SETD5: variants seen among roughly 807,000 people sequenced by gnomAD.
SETD5 encodes SET domain containing 5.
Under a neutral mutation model 153.3 loss-of-function variants are expected in SETD5, and 44 were observed. The observed-to-expected ratio is 0.29, with a 90% CI of 0.23 to 0.37. SETD5 has a LOEUF of 0.37. Among genes scored for constraint, SETD5 ranks in the 10% least tolerant of loss-of-function variants. SETD5 has a pLI of 1.00. For synonymous variants in SETD5, 716 were observed against 645.2 expected, an observed-to-expected ratio of 1.11 and a Z score of -1.66; for missense variants, 1,544 against 1,768.0, an observed-to-expected ratio of 0.87 and a Z score of 2.27.
chr3:9,410,520 A>G (rs2036400516), intron 1 of SETD5, among the ~76,000 whole-genome samples: 1 of 152,100 alleles, frequency 6.6e-6, no homozygotes, highest in South Asian at 2.1e-4. Context: ...TTTTATGATT[A>G]TGTAAAATAC....
chr3:9,474,723 A>G (rs1251606113), intron 21 of SETD5, 141 bp downstream of exon 21: 1 of 1,179,838 alleles, frequency 8.5e-7, no homozygotes, highest in South Asian at 1.5e-5. Flanking sequence ...CAGCCCACTT[A>G]TGCTCATTTG....
chr3:9,457,720 G>T (rs2043428878), intron 17 of SETD5, among the ~76,000 whole-genome samples: 1 of 148,998 alleles, frequency 6.7e-6, no homozygotes, highest in African/African-American at 2.4e-5. Context: ...TTTAAAGTCT[G>T]AGGAAATGGA....
chr3:9,434,552 A>G lies in SETD5; in HGVS notation c.329+67A>G. 1 of 1,601,578 alleles carries G rather than the reference A, an allele frequency of 6.2e-7. No individual in the cohort carries two copies. Among genetic ancestry groups the G allele is most frequent in the East Asian group, 2.2e-5 (1 of 44,670 alleles). ...GATTAGGGTTTCTTACAAGTAGGGA[A>G]AAGCTCAAAGTATTCTTTCTTGTGT... On this transcript the variant is annotated intron_variant, in intron 5 of 22. Coordinates refer to ENST00000402198, the MANE Select transcript of SETD5 (RefSeq NM_001080517.3). The surrounding 1 kb of genome is among the most constrained non-coding windows in gnomAD (Gnocchi z 5.6).
At chr3:9,428,175 C>A (rs2039542902) in intron 2 of SETD5, among the ~76,000 whole-genome samples, 1 of 152,114 alleles carries the variant, frequency 6.6e-6, no homozygotes. Context: ...TATTTTTGTT[C>A]ATATCTAGCA....
chr3:9,453,100 T>G (rs2042818551), intron 16 of SETD5, among the ~76,000 whole-genome samples: 1 of 152,296 alleles, frequency 6.6e-6, no homozygotes, highest in African/African-American at 2.4e-5. Flanking sequence ...TCTTTTTGAC[T>G]TTTTCCCTTT....
At chr3:9,457,566 G>A (rs1044789179) in intron 17 of SETD5, among the ~76,000 whole-genome samples, 2 of 150,660 alleles carry the variant, frequency 1.3e-5, no homozygotes, top group African/African-American at 4.8e-5. Context: ...TATAAAAAGT[G>A]TAAATATATT....
At chr3:9,443,524 T>C (rs1575439556) in intron 11 of SETD5, 107 bp downstream of exon 11, 3 of 615,742 alleles carry the variant, frequency 4.9e-6, no homozygotes, top group Non-Finnish European at 7.2e-6. Flanking sequence ...CTTTGTTTAC[T>C]TAATCTTTTC....
intron 1 of SETD5, among the ~76,000 whole-genome samples, chr3:9,410,755 A>G (rs2036437777): frequency 6.6e-6 from 1 of 152,102 alleles, no homozygotes; most frequent in South Asian, 2.1e-4. Context: ...TTTTTCACTA[A>G]CTAATATTTT....
At chr3:9,454,618 G>A (rs1181859050) in intron 17 of SETD5, among the ~76,000 whole-genome samples, 4 of 43,046 alleles carry the variant, frequency 9.3e-5, no homozygotes, top group Non-Finnish European at 1.6e-4. Flanking sequence ...ATGAAACTCC[G>A]TCTCAAAAAA....
chr3:9,439,425 C>T (rs953714787), intron 7 of SETD5, among the ~76,000 whole-genome samples: 1 of 152,196 alleles, frequency 6.6e-6, no homozygotes, highest in African/African-American at 2.4e-5. Flanking sequence ...CTGTGCCATT[C>T]ATAGAAAGTA....
intron 17 of SETD5, among the ~76,000 whole-genome samples, chr3:9,462,525 T>C (rs965487329): frequency 3.4e-4 from 50 of 148,046 alleles, no homozygotes; most frequent in African/African-American, 1.2e-3. Flanking sequence ...AGGCGGACCT[T>C]GCAGTGAGCC....
intron 17 of SETD5, among the ~76,000 whole-genome samples, chr3:9,460,093 T>A (rs1360685353): frequency 2.0e-5 from 3 of 151,248 alleles, no homozygotes; most frequent in Non-Finnish European, 2.9e-5. Context: ...TAAGTACTGG[T>A]AAAGAGGGTT....
chr3:9,410,804 C>T (rs1038232861), intron 1 of SETD5, among the ~76,000 whole-genome samples: 1 of 151,714 alleles, frequency 6.6e-6, no homozygotes, highest in African/African-American at 2.4e-5. Context: ...TCTGTTCTTT[C>T]TTTTTTGGAA....
At chr3:9,433,227 AAAT>A (rs1432235256) in intron 3 of SETD5, 1 of 424,696 alleles carries the variant, frequency 2.4e-6, no homozygotes, top group Non-Finnish European at 4.1e-6. Context: ...TGCAGCTGAT[AAAT>A]AATTTTGTCC....
At chr3:9,461,079 C>G (rs752592761) in intron 17 of SETD5, among the ~76,000 whole-genome samples, 1 of 152,102 alleles carries the variant, frequency 6.6e-6, no homozygotes, top group East Asian at 1.9e-4. Flanking sequence ...AACATTCTTA[C>G]TATTTAAAGA....
intron 3 of SETD5, among the ~76,000 whole-genome samples, chr3:9,433,170 A>G (rs2040173685): frequency 6.6e-6 from 1 of 152,276 alleles, no homozygotes; most frequent in Non-Finnish European, 1.5e-5. Context: ...GTAGACTAAC[A>G]TAACTTTACA....
chr3:9,467,074 C>T (rs2044671294), intron 18 of SETD5, among the ~76,000 whole-genome samples: 1 of 151,686 alleles, frequency 6.6e-6, no homozygotes, highest in Non-Finnish European at 1.5e-5. Flanking sequence ...TGGCACACAC[C>T]TGTAATCCCA....
intron 7 of SETD5, among the ~76,000 whole-genome samples, chr3:9,438,174 A>T (rs2040818725): frequency 6.6e-6 from 1 of 152,300 alleles, no homozygotes; most frequent in African/African-American, 2.4e-5. Context: ...GAGTTGGGAG[A>T]GGACTCAGAG....
intron 1 of SETD5, among the ~76,000 whole-genome samples, chr3:9,416,222 G>T (rs186653166): frequency 1.4e-3 from 219 of 152,234 alleles, no homozygotes; most frequent in Non-Finnish European, 2.3e-3. Flanking sequence ...TACTCTAAGA[G>T]ATTGCTCACT....
Sources: allele counts gnomAD v4.1 joint callset (sites outside exome capture counted in the v4.1 genomes callset), GRCh38; gene constraint gnomAD v4.1.1; non-coding constraint Gnocchi (gnomAD v3.1); transcripts MANE v1.5; gene names NCBI Gene and HGNC (gene_info 2026-07-23, HGNC 2026-07-21).